The following DTX1 variants were observed in gnomAD, a reference collection of about 807,000 sequenced individuals.
DTX1 encodes deltex E3 ubiquitin ligase 1.
Under a neutral mutation model 57.8 loss-of-function variants are expected in DTX1, and 26 were observed. The ratio of observed to expected loss-of-function variants is 0.45; its 90% CI spans 0.33 to 0.62. The LOEUF (loss-of-function observed/expected upper bound fraction) is 0.62, where lower values mean the gene tolerates loss of function less well. DTX1 is among the 20% of genes least tolerant of loss of function. DTX1 has a pLI of 0.02. For missense variants in DTX1, 704 were observed against 895.3 expected (o/e 0.79, Z 2.73); for synonymous variants, 398 against 394.1 (o/e 1.01, Z -0.12).
At position 113,093,009 on chromosome 12, in the gene DTX1, AAG is replaced by A. The variant is rs1950258734; in HGVS notation, c.942-148_942-147del. Among the ~76,000 whole-genome samples, 2 of 150,800 alleles carry A rather than the reference AAG, an allele frequency of 1.3e-5. No homozygotes were observed. The highest frequency in any genetic ancestry group is 1.5e-5 in the Non-Finnish European group (1 of 67,802). On this transcript the variant is annotated intron_variant, in intron 3 of 9. Coordinates refer to ENST00000548759, the MANE Select transcript of DTX1 (RefSeq NM_004416.3). The surrounding 1 kb of genome is among the most constrained non-coding windows in gnomAD (Gnocchi z 4.2). ...CCCCATAATAGGATGTCAGAGTAGA[AAG>A]AGAGTTTCCTGGAGGTAACTGCAGT... is the stretch of plus-strand genomic sequence containing the variant.
intron 2 of DTX1, among the ~76,000 whole-genome samples, chr12:113,075,888 G>A (rs1391268992): frequency 6.6e-6 from 1 of 152,068 alleles, no homozygotes; most frequent in African/African-American, 2.4e-5. Context: ...TCGAGCACCT[G>A]CTGTGTGCAG....
intron 2 of DTX1, among the ~76,000 whole-genome samples, chr12:113,072,884 T>G (rs1164434063): frequency 6.6e-6 from 1 of 151,896 alleles, no homozygotes; most frequent in Non-Finnish European, 1.5e-5. Context: ...TTGTATTTTT[T>G]AGTAGAGATC....
In DTX1 at chr12:113,095,059, C is replaced by T. The variant is rs768675367; in HGVS notation, c.1404C>T (p.Cys468=). 6.2e-7 allele frequency: 1 copy of T among 1,611,656 alleles called. No individual in the cohort carries two copies. The highest frequency in any genetic ancestry group is 2.2e-5 in the East Asian group (1 of 44,826). The change falls in exon 8 of 10, where the codon TGC becomes TGT. Residue 468 remains cysteine (C), a synonymous_variant. Transcript: ENST00000548759. ...SNGNKDGSLQ[C]PTCKAIYGEK... ...CTGCCCAGGATGGCAGCCTGCAGTG[C>T]CCCACCTGCAAGGCCATCTACGGGG...
At chr12:113,066,296 A>C (rs1430543994) in intron 2 of DTX1, among the ~76,000 whole-genome samples, 1 of 152,162 alleles carries the variant, frequency 6.6e-6, no homozygotes, top group Non-Finnish European at 1.5e-5. Flanking sequence ...TGGGAGGCTA[A>C]GGTGAGTGGA....
At chr12:113,065,993 C>T (rs1288556965) in intron 2 of DTX1, among the ~76,000 whole-genome samples, 3 of 152,188 alleles carry the variant, frequency 2.0e-5, no homozygotes, top group Admixed American at 1.3e-4. Flanking sequence ...CATCCTTCCA[C>T]CTGGCTCTGG....
intron 2 of DTX1, among the ~76,000 whole-genome samples, chr12:113,062,696 A>G (rs898573878): frequency 6.6e-6 from 1 of 152,204 alleles, no homozygotes; most frequent in Non-Finnish European, 1.5e-5. Flanking sequence ...TGCTCGCACA[A>G]TGCCGACACA....
At chr12:113,063,432 C>T (rs1418148134) in intron 2 of DTX1, among the ~76,000 whole-genome samples, 1 of 152,248 alleles carries the variant, frequency 6.6e-6, no homozygotes, top group Non-Finnish European at 1.5e-5. Flanking sequence ...AACTCAGCCA[C>T]TTCCGCAGAA....
rs776026102 is a variant in DTX1 at position 113,094,045 on chromosome 12, T to C, written c.1173T>C (p.Asn391=). ...TKKKHLKKSK[N]PEDVVRRYMQ... ...CCCGCTGTGTCCCTGCAGGTAAGAA[T>C]CCCGAGGATGTGGTTCGAAGATACA... The change falls in exon 6 of 10, where the codon AAT becomes AAC. Residue 391 remains asparagine, a synonymous_variant. Coordinates refer to ENST00000548759, the MANE Select transcript of DTX1 (RefSeq NM_004416.3). The C allele has an allele frequency of 2.0e-6, 3 of 1,524,558 alleles. No individual in the cohort carries two copies. In the South Asian group the frequency reaches 3.5e-5, roughly 18 times the overall value. 94.4% of individuals were successfully genotyped at this position (1,524,558 alleles called of 1,614,324 possible). A position where few individuals can be genotyped will look rare whatever the true frequency, so the allele number is the denominator to read the frequency against.
At chr12:113,061,047 C>T (rs1197713586) in intron 2 of DTX1, among the ~76,000 whole-genome samples, 1 of 152,190 alleles carries the variant, frequency 6.6e-6, no homozygotes, top group Admixed American at 6.5e-5. Flanking sequence ...TCCCGAGTCC[C>T]CAGACTTGCA....
rs146220928 is a variant in DTX1 at position 113,096,734 on chromosome 12, C to A, written c.1658C>A (p.Thr553Lys). The A allele has an allele frequency of 6.2e-7, 1 of 1,612,874 alleles. No homozygotes were observed. The highest frequency in any genetic ancestry group is 8.5e-7 in the Non-Finnish European group (1 of 1,179,790). Residue 553 changes from threonine to lysine, a missense_variant, in exon 10 of 10, where the codon ACG becomes AAG. Thr to Lys is a moderately conservative substitution (Grantham distance 78, BLOSUM62 -1). Coordinates refer to ENST00000548759, the MANE Select transcript of DTX1 (RefSeq NM_004416.3). Reference protein sequence around the residue: ...KGRKVLRLLITAWERRLIFTI... With the variant: ...KGRKVLRLLIKAWERRLIFTI... ...CCCCAGGTGCTGCGGCTGCTCATCA[C>A]GGCCTGGGAGAGAAGACTCATCTTC...
intron 2 of DTX1, among the ~76,000 whole-genome samples, chr12:113,060,133 T>C (rs918133260): frequency 6.6e-6 from 1 of 152,216 alleles, no homozygotes; most frequent in African/African-American, 2.4e-5. Context: ...TTATTGATGG[T>C]ACAGATTAGT....
Position 113,096,810 on chromosome 12 carries a change from C to A in DTX1, c.1734C>A (p.Asn578Lys). 6.2e-7 allele frequency: 1 copy of A among 1,613,968 alleles called. No homozygotes were observed. The change falls in exon 10 of 10, where the codon AAC becomes AAA. Residue 578 changes from asparagine to lysine, a missense_variant. Transcript: ENST00000548759. ...GCGAGTCGGACACCGTGGTGTGGAA[C>A]GAGATCCACCACAAGACCGAGTTTG... is the stretch of plus-strand genomic sequence containing the variant. ...TTGESDTVVW[N>K]EIHHKTEFGS...
Position 113,077,498 on chromosome 12 carries a change from GAGAACGA to G in DTX1, c.335_341del (p.Glu112AlafsTer32). 6.2e-7 allele frequency: 1 copy of G among 1,612,670 alleles called. No homozygotes were observed. On this transcript the variant is annotated frameshift_variant, in exon 3 of 10. Coordinates refer to ENST00000548759, the MANE Select transcript of DTX1 (RefSeq NM_004416.3). LOFTEE classifies it high-confidence loss of function. The surrounding 1 kb of genome is among the most constrained non-coding windows in gnomAD (Gnocchi z 7.8). Reference sequence around the variant, plus strand: ...GGGCAAGGGCATCGTGTGGGAGTGGGAGAACGACGGCGGCGCATGGACGGCCTACGAT... The same window carrying G: ...GGGCAAGGGCATCGTGTGGGAGTGGGCGGCGGCGCATGGACGGCCTACGAT...
intron 2 of DTX1, among the ~76,000 whole-genome samples, chr12:113,058,707 G>A (rs894635691): frequency 2.6e-5 from 4 of 152,172 alleles, no homozygotes; most frequent in Admixed American, 2.6e-4. Flanking sequence ...TGCAAAATGG[G>A]TAGATCAATA....
intron 3 of DTX1, among the ~76,000 whole-genome samples, chr12:113,092,932 A>C (rs189500485): frequency 7.9e-5 from 12 of 152,288 alleles, no homozygotes; most frequent in African/African-American, 2.9e-4. Context: ...TCTGCACTAA[A>C]GTCTAAGGGT....
At chr12:113,062,245 T>C (rs2044670442) in intron 2 of DTX1, among the ~76,000 whole-genome samples, 1 of 152,166 alleles carries the variant, frequency 6.6e-6, no homozygotes, top group African/African-American at 2.4e-5. Context: ...CTGGCTGATT[T>C]TTTTCTAATA....
At chr12:113,067,470 A>G (rs2044711546) in intron 2 of DTX1, among the ~76,000 whole-genome samples, 1 of 152,186 alleles carries the variant, frequency 6.6e-6, no homozygotes, top group African/African-American at 2.4e-5. Context: ...CAGCTTACCC[A>G]TCTACACAAA....
At chr12:113,062,361 C>T (rs757460584) in intron 2 of DTX1, among the ~76,000 whole-genome samples, 16 of 152,144 alleles carry the variant, frequency 1.1e-4, no homozygotes, top group East Asian at 1.9e-4. Context: ...TAAGTGAATG[C>T]GTGTGGCTGT....
intron 2 of DTX1, among the ~76,000 whole-genome samples, chr12:113,066,573 T>C (rs1425305061): frequency 6.6e-6 from 1 of 151,794 alleles, no homozygotes; most frequent in Admixed American, 6.6e-5. Context: ...TTTGTGACCT[T>C]AAGTAAACCA....
Sources: allele counts gnomAD v4.1 joint callset (sites outside exome capture counted in the v4.1 genomes callset), GRCh38; gene constraint gnomAD v4.1.1; non-coding constraint Gnocchi (gnomAD v3.1); transcripts MANE v1.5; gene names NCBI Gene and HGNC (gene_info 2026-07-23, HGNC 2026-07-21).